The following ZNF362 variants were observed in gnomAD, a reference collection of about 807,000 sequenced individuals.
The protein encoded by ZNF362 is rotund homolog.
Under a neutral mutation model 42.9 loss-of-function variants are expected in ZNF362, and 11 were observed. The observed-to-expected ratio is 0.26, with a 90% confidence interval of 0.16 to 0.42. The LOEUF is 0.42. Ranked by LOEUF, ZNF362 falls within the 20% of genes least tolerant of loss-of-function variation. The pLI, the probability that ZNF362 is intolerant of heterozygous loss-of-function variation, is 1.00. For missense variants in ZNF362, 362 were observed against 576.2 expected (o/e 0.63, Z 3.81); for synonymous variants, 255 against 257.3 (o/e 0.99, Z 0.09).
chr1:33,141,777 C>A, the ZNF362 span: 1 of 168,562 alleles, frequency 5.9e-6, no homozygotes, highest in South Asian at 1.8e-4. Context: ...AGCAAACCAC[C>A]ATAGCACACA....
At chr1:33,185,278 G>A in the ZNF362 span, among the ~76,000 whole-genome samples, 3 of 152,054 alleles carry the variant, frequency 2.0e-5, no homozygotes, top group Non-Finnish European at 4.4e-5. Flanking sequence ...CTGGAGTGAA[G>A]TGGTGCAATC....
At chr1:33,276,831 G>T (rs1311762962) in intron 4 of ZNF362, among the ~76,000 whole-genome samples, 1 of 152,254 alleles carries the variant, frequency 6.6e-6, no homozygotes, top group Non-Finnish European at 1.5e-5. Context: ...ACAGGAGCCG[G>T]TCACTGCCCC....
At chr1:33,147,138 G>C in the ZNF362 span, 40 of 1,593,394 alleles carry the variant, frequency 2.5e-5, no homozygotes, top group Non-Finnish European at 3.3e-5. The surrounding 1 kb of genome is among the most constrained non-coding windows in gnomAD (Gnocchi z 8.1). Flanking sequence ...CTTGCAGGTG[G>C]CAGTGGTCCC....
chr1:33,189,336 G>C, the ZNF362 span, among the ~76,000 whole-genome samples: 1 of 151,976 alleles, frequency 6.6e-6, no homozygotes, highest in Non-Finnish European at 1.5e-5. Context: ...GCCTGCTTCT[G>C]TAGTTTATTT....
At chr1:33,236,550 A>AAAAAAAAAAAAAATAT in the ZNF362 span, among the ~76,000 whole-genome samples, 59 of 5,978 alleles carry the variant, frequency 9.9e-3, 5 homozygotes, top group African/African-American at 0.01. Context: ...AAAAAAAAAA[A>AAAAAAAAAAAAAATAT]ATATATATAT....
chr1:33,183,098 G>A, the ZNF362 span, among the ~76,000 whole-genome samples: 4 of 152,328 alleles, frequency 2.6e-5, no homozygotes, highest in African/African-American at 9.6e-5. Context: ...CACCCCTAAG[G>A]TGCTGTTGTC....
At chr1:33,277,230 G>C (rs962998521) in intron 4 of ZNF362, among the ~76,000 whole-genome samples, 1 of 152,246 alleles carries the variant, frequency 6.6e-6, no homozygotes, top group Non-Finnish European at 1.5e-5. Flanking sequence ...AAAAACAGCA[G>C]TTTCATGCAG....
chr1:33,213,337 T>C, the ZNF362 span, among the ~76,000 whole-genome samples: 1 of 152,074 alleles, frequency 6.6e-6, no homozygotes, highest in Non-Finnish European at 1.5e-5. Context: ...CACAGATGCA[T>C]ACATATATAC....
At position 33,281,762 on chromosome 1, in the gene ZNF362, T is replaced by A. The variant is rs1197251155; in HGVS notation, c.859T>A (p.Tyr287Asn). 1 of 1,614,242 alleles carries A rather than the reference T, an allele frequency of 6.2e-7. No individual in the cohort carries two copies. ...HLGVKPYHCS[Y>N]CDKSFRQLSH... ...GGGCGTCAAGCCCTACCACTGCTCC[T>A]ACTGTGATAAGTCCTTCCGGCAGCT... Residue 287 changes from tyrosine (Y) to asparagine (N), a missense_variant, in exon 6 of 9, where the codon TAC becomes AAC. Transcript: ENST00000539719. This position sits in a 1 kb window ranked among gnomAD's most constrained non-coding sequence, Gnocchi z 4.8.
At chr1:33,274,576 T>C (rs988880500) in intron 2 of ZNF362, among the ~76,000 whole-genome samples, 1 of 152,168 alleles carries the variant, frequency 6.6e-6, no homozygotes, top group East Asian at 1.9e-4. Context: ...GGGGGGCTGA[T>C]AGAGGGCAGG....
the ZNF362 span, among the ~76,000 whole-genome samples, chr1:33,204,162 G>C: frequency 6.6e-6 from 1 of 152,044 alleles, no homozygotes. Flanking sequence ...TATAATATAA[G>C]AGTCCAGTTT....
At chr1:33,194,044 G>A in the ZNF362 span, among the ~76,000 whole-genome samples, 1 of 152,048 alleles carries the variant, frequency 6.6e-6, no homozygotes, top group Non-Finnish European at 1.5e-5. Context: ...AAGACATAAG[G>A]CAAGAAGAAG....
chr1:33,141,001 T>C, the ZNF362 span, among the ~76,000 whole-genome samples: 1 of 152,196 alleles, frequency 6.6e-6, no homozygotes, highest in Non-Finnish European at 1.5e-5. Flanking sequence ...GATCTGGCCC[T>C]GACTGTGCCC....
intron 1 of ZNF362, among the ~76,000 whole-genome samples, chr1:33,260,019 C>A (rs950712168): frequency 6.6e-6 from 1 of 152,158 alleles, no homozygotes; most frequent in Non-Finnish European, 1.5e-5. Flanking sequence ...GTGTATGACA[C>A]GTCTCCCTGC....
At chr1:33,161,856 T>C in the ZNF362 span, among the ~76,000 whole-genome samples, 1 of 152,168 alleles carries the variant, frequency 6.6e-6, no homozygotes, top group Non-Finnish European at 1.5e-5. This position sits in a 1 kb window ranked among gnomAD's most constrained non-coding sequence, Gnocchi z 4.3. Flanking sequence ...CCCATCTCTG[T>C]GACTGCTGCC....
the ZNF362 span, among the ~76,000 whole-genome samples, chr1:33,141,084 CTCA>C: frequency 6.6e-6 from 1 of 152,122 alleles, no homozygotes; most frequent in Non-Finnish European, 1.5e-5. Flanking sequence ...TCAGGGGTCT[CTCA>C]TCAGCCATGT....
the ZNF362 span, chr1:33,181,354 C>G: frequency 6.3e-7 from 1 of 1,591,970 alleles, no homozygotes; most frequent in Non-Finnish European, 8.5e-7. The surrounding 1 kb of genome is among the most constrained non-coding windows in gnomAD (Gnocchi z 6.5). Context: ...AAGTAATGCT[C>G]GCAGCCCAGG....
the ZNF362 span, among the ~76,000 whole-genome samples, chr1:33,222,188 T>C: frequency 6.6e-6 from 1 of 152,146 alleles, no homozygotes. Flanking sequence ...ACCATGGAAA[T>C]GGCATCAGAA....
chr1:33,205,915 C>CAA, the ZNF362 span, among the ~76,000 whole-genome samples: 1 of 137,584 alleles, frequency 7.3e-6, no homozygotes, highest in African/African-American at 2.7e-5. Context: ...GACTCTGTCT[C>CAA]AAAAAAAAAA....
Sources: allele counts gnomAD v4.1 joint callset (sites outside exome capture counted in the v4.1 genomes callset), GRCh38; gene constraint gnomAD v4.1.1; non-coding constraint Gnocchi (gnomAD v3.1); transcripts MANE v1.5; gene names NCBI Gene and HGNC (gene_info 2026-07-23, HGNC 2026-07-21).